Variants in TUSC3 observed in about 807,000 individuals in gnomAD.
The protein encoded by TUSC3 is dolichyl-diphosphooligosaccharide--protein glycosyltransferase subunit TUSC3.
TUSC3 carries 45 observed loss-of-function variants against 44.8 expected under a neutral mutation model. That is an observed-to-expected ratio of 1.00 (90% confidence interval 0.79 to 1.29). The LOEUF is 1.29. Among genes scored for constraint, TUSC3 ranks in the 50% most tolerant of loss-of-function variants. TUSC3 has a pLI of 0.00. For missense variants in TUSC3, 519 were observed against 437.9 expected, an observed-to-expected ratio of 1.19 and a Z score of -1.65; for synonymous variants, 212 against 152.9, an observed-to-expected ratio of 1.39 and a Z score of -2.85.
At chr8:15,596,957 A>G (rs551749030) in intron 1 of TUSC3, among the ~76,000 whole-genome samples, 48 of 152,184 alleles carry the variant, frequency 3.2e-4, no homozygotes, top group Non-Finnish European at 5.7e-4. Flanking sequence ...TTAATAGTCC[A>G]ATTTAAACCT....
At chr8:15,617,369 A>T (rs1204214843) in intron 1 of TUSC3, among the ~76,000 whole-genome samples, 1 of 151,568 alleles carries the variant, frequency 6.6e-6, no homozygotes, top group Non-Finnish European at 1.5e-5. Context: ...CGAACTCCTG[A>T]CCTCTTGATC....
intron 1 of TUSC3, among the ~76,000 whole-genome samples, chr8:15,425,824 A>C (rs1799796698): frequency 6.6e-6 from 1 of 152,312 alleles, no homozygotes; most frequent in South Asian, 2.1e-4. Flanking sequence ...CCACAAATAT[A>C]ATCAATGTAT....
intron 1 of TUSC3, among the ~76,000 whole-genome samples, chr8:15,553,088 GAAGA>G (rs1001371983): frequency 5.9e-5 from 9 of 151,750 alleles, no homozygotes; most frequent in African/African-American, 2.2e-4. Context: ...GGAAACAGGA[GAAGA>G]AAGATTTTCG....
chr8:15,520,424 G>T (rs570549301), intron 2 of TUSC3, among the ~76,000 whole-genome samples: 1 of 152,182 alleles, frequency 6.6e-6, no homozygotes, highest in East Asian at 1.9e-4. Flanking sequence ...AATTTATTAC[G>T]CAAACAGCTT....
Position 15,757,827 on chromosome 8 carries a change from C to A in TUSC3, c.*18C>A. The A allele has an allele frequency of 7.2e-7, 1 of 1,394,282 alleles. No homozygotes were observed. The highest frequency in any genetic ancestry group is 1.0e-6 in the Non-Finnish European group (1 of 979,724). 86.4% of individuals were successfully genotyped at this position (1,394,282 alleles called of 1,614,324 possible). A position where few individuals can be genotyped will look rare whatever the true frequency, so the allele number is the denominator to read the frequency against. On this transcript the variant is annotated 3_prime_UTR_variant, in exon 10 of 11. Coordinates refer to ENST00000503731, the MANE Select transcript of TUSC3 (RefSeq NM_006765.4). The stretch of plus-strand genomic sequence containing the variant: ...TTGAGTGAGAAGATGTGATTTGGAC[C>A]ATGGCACTTAAAAACTCTATAACCT...
chr8:15,491,863 C>G, intron 2 of TUSC3, among the ~76,000 whole-genome samples: 2 of 152,300 alleles, frequency 1.3e-5, no homozygotes, highest in South Asian at 4.1e-4. Flanking sequence ...ATGTTAGACT[C>G]TCTCCTAAGT....
intron 2 of TUSC3, among the ~76,000 whole-genome samples, chr8:15,517,155 C>G (rs1801228257): frequency 6.6e-6 from 1 of 152,098 alleles, no homozygotes; most frequent in Non-Finnish European, 1.5e-5. Flanking sequence ...AGCAATAGCT[C>G]AGTTGTCACT....
At chr8:15,572,522 G>A (rs1055284258) in intron 1 of TUSC3, among the ~76,000 whole-genome samples, 18 of 152,120 alleles carry the variant, frequency 1.2e-4, no homozygotes, top group African/African-American at 4.3e-4. Flanking sequence ...TGTGTTCACT[G>A]GAGTAGCACT....
chr8:15,838,738 C>T, the TUSC3 span, among the ~76,000 whole-genome samples: 2 of 152,112 alleles, frequency 1.3e-5, no homozygotes, highest in Non-Finnish European at 2.9e-5. Flanking sequence ...GTACCAGTAC[C>T]ATGCTGTTTT....
Position 15,611,093 on chromosome 8 carries a change from C to T in TUSC3, c.139-11987C>T, listed in dbSNP as rs551044433. On this transcript the variant is annotated intron_variant, in intron 1 of 10. Coordinates refer to ENST00000503731, the MANE Select transcript of TUSC3 (RefSeq NM_006765.4). ...ACAAACAAAAGGTCTTTAGGATCTTCCCAGAGGTGGAATTGGTTTGGGATT... is the reference window on the plus strand; with the variant it reads ...ACAAACAAAAGGTCTTTAGGATCTTTCCAGAGGTGGAATTGGTTTGGGATT... Among the ~76,000 whole-genome samples the T allele has an allele frequency of 2.6e-5, 4 of 152,240 alleles. No homozygotes were observed. The South Asian group carries it at 8.3e-4, about 32-fold the overall frequency.
chr8:15,844,167 C>CA, the TUSC3 span, among the ~76,000 whole-genome samples: 14 of 151,204 alleles, frequency 9.3e-5, no homozygotes, highest in African/African-American at 2.7e-4. Context: ...GAAGGGATGG[C>CA]AAAAAAAATA....
intron 6 of TUSC3, 41 bp downstream of exon 6, chr8:15,673,877 C>A: frequency 6.6e-7 from 1 of 1,511,894 alleles, no homozygotes. Context: ...GAAGTTTAAT[C>A]CAGCTTAATT....
the TUSC3 span, among the ~76,000 whole-genome samples, chr8:15,840,159 T>C: frequency 1.3e-5 from 2 of 151,906 alleles, no homozygotes; most frequent in East Asian, 1.9e-4. Context: ...CTCTCACTCA[T>C]AGGTGGGAAC....
chr8:15,748,388 G>C lies in TUSC3; in HGVS notation c.951G>C (p.Val317=), dbSNP rs751598385. ...GTCTGTTTCTAGTAATTTGCCTAGT[G>C]GGATTGGGCCTGGTGGTCTTCTTCT... ...DVGKRRIICL[V]GLGLVVFFFS... is the part of the protein sequence containing the mutation. The change falls in exon 9 of 11, where the codon GTG becomes GTC. Residue 317 remains valine, a synonymous_variant. Transcript: ENST00000503731. 16 of 1,613,318 alleles carry C rather than the reference G, an allele frequency of 9.9e-6. No homozygotes were observed. The highest frequency in any genetic ancestry group is 1.7e-5 in the Admixed American group (1 of 60,002).
chr8:15,518,650 A>G (rs1186077151), intron 2 of TUSC3, among the ~76,000 whole-genome samples: 2 of 152,172 alleles, frequency 1.3e-5, no homozygotes, highest in African/African-American at 2.4e-5. Flanking sequence ...ATTTGCAGGA[A>G]TGCCTACCAG....
intron 1 of TUSC3, among the ~76,000 whole-genome samples, chr8:15,611,441 C>T (rs979756365): frequency 7.2e-5 from 11 of 152,174 alleles, no homozygotes; most frequent in African/African-American, 1.4e-4. Context: ...CCCGCACCGG[C>T]CTCCCAAAGT....
chr8:15,578,040 A>G lies in TUSC3; in HGVS notation c.138+37472A>G, dbSNP rs979996045. On this transcript the variant is annotated intron_variant, in intron 1 of 10. Coordinates refer to ENST00000503731, the MANE Select transcript of TUSC3 (RefSeq NM_006765.4). ...GAAGAGGTCCTTCACATCCCTTGTA[A>G]GTTGGATTCCTAGGTATTTTCTTCT... is the stretch of plus-strand genomic sequence containing the variant. 4.7e-5 allele frequency among the ~76,000 whole-genome samples: 7 copies of G among 150,272 alleles called. 1 individual carries two copies. Among genetic ancestry groups the G allele is most frequent in the Non-Finnish European group, 1.0e-4 (7 of 67,362 alleles).
At chr8:15,664,640 A>C (rs1235114182) in intron 5 of TUSC3, among the ~76,000 whole-genome samples, 2 of 149,712 alleles carry the variant, frequency 1.3e-5, no homozygotes, top group Non-Finnish European at 3.0e-5. Context: ...AGTGAGTTTG[A>C]AAACACTACA....
intron 1 of TUSC3, among the ~76,000 whole-genome samples, chr8:15,593,624 T>C (rs1281309243): frequency 1.3e-5 from 2 of 152,210 alleles, no homozygotes; most frequent in East Asian, 3.9e-4. Context: ...AATAATACAA[T>C]TGTAATCCGC....
Sources: gnomAD v4.1 joint callset for allele counts (sites outside exome capture counted in the v4.1 genomes callset) on GRCh38, gnomAD v4.1.1 for gene constraint, MANE v1.5 for transcripts, NCBI Gene and HGNC (gene_info 2026-07-23, HGNC 2026-07-21) for gene names.